The following MSI2 variants were observed in gnomAD, a reference collection of about 807,000 sequenced individuals.
MSI2 encodes musashi RNA binding protein 2, also known as RNA-binding protein Musashi homolog 2.
Under a neutral mutation model 45.6 loss-of-function variants are expected in MSI2, and 17 were observed. The ratio of observed to expected loss-of-function variants is 0.37; its 90% CI spans 0.26 to 0.56. The LOEUF (loss-of-function observed/expected upper bound fraction) is 0.56, where lower values mean the gene tolerates loss of function less well. Ranked by LOEUF, MSI2 falls within the 20% of genes least tolerant of loss-of-function variation. The probability of loss-of-function intolerance (pLI) is 0.77; values close to 1 mark genes in which losing one functional copy is unlikely to be tolerated. For missense variants in MSI2, 293 were observed against 444.2 expected (o/e 0.66, Z 3.06); for synonymous variants, 156 against 158.2 (o/e 0.99, Z 0.11).
intron 7 of MSI2, among the ~76,000 whole-genome samples, chr17:57,547,203 G>A (rs1172882027): frequency 2.0e-5 from 3 of 152,214 alleles, no homozygotes; most frequent in African/African-American, 7.2e-5. Context: ...GGGCCTCCAA[G>A]AGGGACAGTG....
chr17:57,297,994 TG>T (rs1911125048), intron 5 of MSI2, among the ~76,000 whole-genome samples: 1 of 152,136 alleles, frequency 6.6e-6, no homozygotes, highest in South Asian at 2.1e-4. Context: ...CTCAAAATCA[TG>T]CATGAGGGTT....
chr17:57,585,894 A>G (rs572371163), intron 7 of MSI2, among the ~76,000 whole-genome samples: 1 of 152,318 alleles, frequency 6.6e-6, no homozygotes, highest in South Asian at 2.1e-4. Flanking sequence ...AGCTGCGCAC[A>G]CGACCTCAGC....
chr17:57,500,083 C>G (rs138578417), intron 6 of MSI2, among the ~76,000 whole-genome samples: 2 of 152,008 alleles, frequency 1.3e-5, no homozygotes, highest in African/African-American at 4.8e-5. Flanking sequence ...GCATGTGGCA[C>G]GGGGGAGATA....
intron 9 of MSI2, among the ~76,000 whole-genome samples, chr17:57,620,249 G>A (rs987743255): frequency 2.0e-4 from 31 of 152,188 alleles, no homozygotes; most frequent in African/African-American, 7.0e-4. Flanking sequence ...TACCCATGGG[G>A]TAATAATCTT....
intron 5 of MSI2, among the ~76,000 whole-genome samples, chr17:57,291,021 C>T (rs1910370974): frequency 6.6e-6 from 1 of 152,176 alleles, no homozygotes. Flanking sequence ...ATCGTTAGGA[C>T]TGGGGGCAGC....
chr17:57,354,326 C>G (rs1916264042), intron 5 of MSI2, among the ~76,000 whole-genome samples: 1 of 152,080 alleles, frequency 6.6e-6, no homozygotes, highest in Non-Finnish European at 1.5e-5. Context: ...CCATGTTGCT[C>G]TTTGAATGGC....
chr17:57,312,135 G>A (rs1294564954), intron 5 of MSI2, among the ~76,000 whole-genome samples: 1 of 152,214 alleles, frequency 6.6e-6, no homozygotes, highest in Non-Finnish European at 1.5e-5. Flanking sequence ...TGCAGGGAGA[G>A]GCCCTTGGCC....
rs541749936 is a variant in MSI2 at position 57,469,955 on chromosome 17, G to A, written c.406-59721G>A. 1.6e-4 allele frequency among the ~76,000 whole-genome samples: 25 copies of A among 152,320 alleles called. No individual in the cohort carries two copies. The South Asian group carries it at 3.7e-3, about 23-fold the overall frequency. On this transcript the variant is annotated intron_variant, in intron 6 of 13. Coordinates refer to ENST00000284073, the MANE Select transcript of MSI2 (RefSeq NM_138962.4). ...AACCCTCTTGTGGACCCCTGATGAT[G>A]CCATGATGCCTCACGCTCTTTTCCC...
At chr17:57,548,898 T>TCCCAC (rs2087234153) in intron 7 of MSI2, among the ~76,000 whole-genome samples, 1 of 121,300 alleles carries the variant, frequency 8.2e-6, no homozygotes, top group African/African-American at 3.4e-5. Context: ...TGTTTACCCT[T>TCCCAC]CCCCCCCCCA....
rs905841240 is a variant in MSI2, at chr17:57,596,465, C to T, written c.455-403C>T. Reference sequence around the variant, plus strand: ...AACCACCTCCGTCTGGAGGCCGACCCGAGGGCTGGCCAGGGCTGCTCGCGG... The same window carrying T: ...AACCACCTCCGTCTGGAGGCCGACCTGAGGGCTGGCCAGGGCTGCTCGCGG... On this transcript the variant is annotated intron_variant, in intron 7 of 13. Transcript: ENST00000284073. This position sits in a 1 kb window ranked among gnomAD's most constrained non-coding sequence, Gnocchi z 4.6. 1.1e-4 allele frequency among the ~76,000 whole-genome samples: 16 copies of T among 152,202 alleles called. No homozygotes were observed. The highest frequency in any genetic ancestry group is 1.2e-4 in the Non-Finnish European group (8 of 68,044).
At chr17:57,303,553 A>G (rs949416038) in intron 5 of MSI2, among the ~76,000 whole-genome samples, 1 of 152,208 alleles carries the variant, frequency 6.6e-6, no homozygotes, top group Non-Finnish European at 1.5e-5. Context: ...AGTTGATTTC[A>G]TTTGTGTGGT....
At position 57,627,248 on chromosome 17, in the gene MSI2, G is replaced by A. The variant is rs151229668; in HGVS notation, c.672G>A (p.Ala224=). The change falls in exon 10 of 14, where the codon GCG becomes GCA. Residue 224 remains alanine (A), a synonymous_variant. Coordinates refer to ENST00000284073, the MANE Select transcript of MSI2 (RefSeq NM_138962.4). This position sits in a 1 kb window ranked among gnomAD's most constrained non-coding sequence, Gnocchi z 4.6. ...TTCAAGGATATCCCAACTTCGTGGCGACCTATGGCCGTGGCTACCCCGGAT... is the reference window on the plus strand; with the variant it reads ...TTCAAGGATATCCCAACTTCGTGGCAACCTATGGCCGTGGCTACCCCGGAT... The part of the protein sequence containing the change: ...MGMLGYPNFV[A]TYGRGYPGFA... 3.5e-5 allele frequency: 56 copies of A among 1,614,044 alleles called. No homozygotes were observed. The highest frequency in any genetic ancestry group is 6.7e-5 in the African/African-American group (5 of 74,902).
intron 6 of MSI2, among the ~76,000 whole-genome samples, chr17:57,453,190 G>A (rs1416673994): frequency 1.3e-5 from 2 of 152,034 alleles, no homozygotes; most frequent in Non-Finnish European, 1.5e-5. Context: ...TAGTGGAGAC[G>A]GGGTTTCATT....
At chr17:57,448,855 C>G (rs2084946094) in intron 6 of MSI2, 1 of 152,270 alleles carries the variant, frequency 6.6e-6, no homozygotes, top group Non-Finnish European at 1.5e-5. Flanking sequence ...TGTAACGAGC[C>G]TGAGCCTCAG....
intron 6 of MSI2, among the ~76,000 whole-genome samples, chr17:57,521,289 C>G (rs2086578955): frequency 6.6e-6 from 1 of 152,164 alleles, no homozygotes; most frequent in African/African-American, 2.4e-5. Context: ...AGGCCCAGCC[C>G]CTGCCGGCTC....
intron 7 of MSI2, among the ~76,000 whole-genome samples, chr17:57,592,920 G>A (rs756208242): frequency 2.0e-5 from 3 of 152,176 alleles, no homozygotes; most frequent in Non-Finnish European, 4.4e-5. Flanking sequence ...GAAGGAGTTG[G>A]TTTGCAGCAG....
the MSI2 span, among the ~76,000 whole-genome samples, chr17:57,695,349 C>G: frequency 6.6e-6 from 1 of 152,164 alleles, no homozygotes; most frequent in African/African-American, 2.4e-5. Context: ...ATCTGTCTGC[C>G]CTGCCCCTTT....
At chr17:57,391,610 A>C (rs1465537938) in intron 5 of MSI2, among the ~76,000 whole-genome samples, 1 of 152,116 alleles carries the variant, frequency 6.6e-6, no homozygotes, top group Non-Finnish European at 1.5e-5. Flanking sequence ...TCATCTGTGC[A>C]TCTTCAGAAG....
intron 6 of MSI2, among the ~76,000 whole-genome samples, chr17:57,457,755 T>A (rs2085143418): frequency 6.6e-6 from 1 of 151,452 alleles, no homozygotes. Flanking sequence ...TCAAATAAAA[T>A]AAAATTAACT....
Sources: allele counts gnomAD v4.1 joint callset (sites outside exome capture counted in the v4.1 genomes callset), GRCh38; gene constraint gnomAD v4.1.1; non-coding constraint Gnocchi (gnomAD v3.1); transcripts MANE v1.5; gene names NCBI Gene and HGNC (gene_info 2026-07-23, HGNC 2026-07-21).